Variants in PDE3B observed in about 807,000 individuals in gnomAD.
PDE3B encodes cGMP-inhibited 3',5'-cyclic phosphodiesterase 3B.
Under a neutral mutation model 116.8 loss-of-function variants are expected in PDE3B, and 66 were observed. The ratio of observed to expected loss-of-function variants is 0.56; its 90% CI spans 0.46 to 0.69. The LOEUF is 0.69. Among genes scored for constraint, PDE3B ranks in the 30% least tolerant of loss-of-function variants. The pLI, the probability that PDE3B is intolerant of heterozygous loss-of-function variation, is 0.00. For missense variants in PDE3B, 1,384 were observed against 1,368.1 expected (o/e 1.01, Z -0.18); for synonymous variants, 595 against 533.6 (o/e 1.12, Z -1.59).
At chr11:14,645,495 T>C (rs1853375040) in intron 1 of PDE3B, among the ~76,000 whole-genome samples, 1 of 152,262 alleles carries the variant, frequency 6.6e-6, no homozygotes, top group African/African-American at 2.4e-5. Flanking sequence ...AATGAGAGGA[T>C]ACATCTATGA....
the PDE3B span, among the ~76,000 whole-genome samples, chr11:14,894,796 T>TA: frequency 2.6e-5 from 4 of 152,228 alleles, no homozygotes; most frequent in Non-Finnish European, 5.9e-5. Context: ...ATCCCTCCCT[T>TA]ATTCCCCCTT....
intron 4 of PDE3B, among the ~76,000 whole-genome samples, chr11:14,792,358 A>G (rs1019030809): frequency 2.0e-5 from 3 of 152,202 alleles, no homozygotes; most frequent in African/African-American, 7.2e-5. Flanking sequence ...AAGCTAAATT[A>G]TGTTTCAAAA....
rs146001138 is a variant in PDE3B at position 14,845,897 on chromosome 11, C to A, written c.2520+1871C>A. ...CTGAAAGTGAGGGGGAGAATGGAAC[C>A]AAGATGGAAAACACTCTGTAGGATA... On this transcript the variant is annotated intron_variant, in intron 12 of 15. Transcript: ENST00000282096. 3.0e-3 allele frequency among the ~76,000 whole-genome samples: 463 copies of A among 152,134 alleles called. 4 individuals carry two copies. Among genetic ancestry groups the A allele is most frequent in the African/African-American group, 0.01 (430 of 41,488 alleles).
At position 14,699,005 on chromosome 11, in the gene PDE3B, C is replaced by T. The variant is rs138041624; in HGVS notation, c.978+53952C>T. The T allele has an allele frequency of 1.4e-4, 21 of 152,006 alleles. No homozygotes were observed. The East Asian group carries it at 3.7e-3, about 27-fold the overall frequency. 9.4% of individuals were successfully genotyped at this position (152,006 alleles called of 1,614,324 possible). ...CTTCTTTTAAAATCTTACTTCCTGT[C>T]GGTCTAAGAAGGGCACTCTTGATGA... On this transcript the variant is annotated intron_variant, in intron 1 of 15. Coordinates refer to ENST00000282096, the MANE Select transcript of PDE3B (RefSeq NM_000922.4).
chr11:14,817,754 T>A (rs1190181684), intron 5 of PDE3B, among the ~76,000 whole-genome samples: 2 of 152,056 alleles, frequency 1.3e-5, no homozygotes, highest in Admixed American at 1.3e-4. Flanking sequence ...AAAAAGAGAA[T>A]TTAAATAAAA....
At chr11:14,713,837 T>A (rs1355465687) in intron 1 of PDE3B, among the ~76,000 whole-genome samples, 3 of 152,120 alleles carry the variant, frequency 2.0e-5, no homozygotes, top group Non-Finnish European at 2.9e-5. Flanking sequence ...TAAACTATCG[T>A]ATAAGCAGGA....
At chr11:14,667,442 ATAAAAT>A (rs1179003578) in intron 1 of PDE3B, among the ~76,000 whole-genome samples, 1 of 150,924 alleles carries the variant, frequency 6.6e-6, no homozygotes, top group Admixed American at 6.6e-5. Flanking sequence ...AATAATAATA[ATAAAAT>A]TAAATTAAAT....
intron 1 of PDE3B, among the ~76,000 whole-genome samples, chr11:14,696,965 C>T (rs1435028510): frequency 6.6e-6 from 1 of 152,092 alleles, no homozygotes; most frequent in South Asian, 2.1e-4. Context: ...TAGGCAGGGT[C>T]TTGCTCTGTC....
intron 1 of PDE3B, among the ~76,000 whole-genome samples, chr11:14,716,185 C>G (rs573533017): frequency 1.1e-3 from 162 of 152,290 alleles, no homozygotes; most frequent in Non-Finnish European, 2.0e-3. Context: ...TCGGGTCACT[C>G]CCACCCGAAT....
At chr11:14,890,782 T>A in the PDE3B span, 1 of 768,848 alleles carries the variant, frequency 1.3e-6, no homozygotes, top group Non-Finnish European at 1.6e-6. Flanking sequence ...TCTCCTGATT[T>A]CGTGATCCGC....
intron 4 of PDE3B, among the ~76,000 whole-genome samples, chr11:14,800,739 C>G (rs749426810): frequency 3.3e-5 from 5 of 152,120 alleles, no homozygotes; most frequent in Admixed American, 6.5e-5. Flanking sequence ...TGGATAATAT[C>G]CTGAAGAGTG....
At chr11:14,723,056 A>G (rs1281338447) in intron 1 of PDE3B, among the ~76,000 whole-genome samples, 9 of 152,244 alleles carry the variant, frequency 5.9e-5, no homozygotes. Context: ...GGCCATTTGA[A>G]TGAATGAAAA....
At chr11:14,849,641 G>GA (rs886404676) in intron 12 of PDE3B, among the ~76,000 whole-genome samples, 16 of 151,922 alleles carry the variant, frequency 1.1e-4, no homozygotes, top group Admixed American at 9.8e-4. Context: ...AAATTTACAA[G>GA]AAAAAAACAC....
intron 11 of PDE3B, among the ~76,000 whole-genome samples, chr11:14,836,908 G>T (rs1860073815): frequency 6.6e-6 from 1 of 152,210 alleles, no homozygotes; most frequent in African/African-American, 2.4e-5. Context: ...CTCCTAGGCG[G>T]GTTCAAGCAA....
intron 1 of PDE3B, among the ~76,000 whole-genome samples, chr11:14,666,855 C>G (rs574443466): frequency 2.6e-4 from 39 of 152,316 alleles, no homozygotes; most frequent in African/African-American, 8.9e-4. Context: ...ACTAGTTCGA[C>G]CATTGTGGAA....
At chr11:14,717,681 G>C (rs1258032831) in intron 1 of PDE3B, among the ~76,000 whole-genome samples, 2 of 129,572 alleles carry the variant, frequency 1.5e-5, no homozygotes, top group African/African-American at 3.0e-5. Context: ...AGCTTCATAA[G>C]TGAAGGAGAA....
chr11:14,668,377 T>G (rs1854253081), intron 1 of PDE3B, among the ~76,000 whole-genome samples: 1 of 152,162 alleles, frequency 6.6e-6, no homozygotes, highest in Non-Finnish European at 1.5e-5. Flanking sequence ...ACTTTTGAAT[T>G]TATAAATACC....
intron 12 of PDE3B, among the ~76,000 whole-genome samples, chr11:14,857,146 A>G (rs1012596204): frequency 4.6e-5 from 7 of 152,184 alleles, no homozygotes; most frequent in African/African-American, 1.7e-4. Context: ...TTGTTTTGCC[A>G]AAGTATTGAT....
At chr11:14,766,129 A>G (rs1857487412) in intron 1 of PDE3B, among the ~76,000 whole-genome samples, 1 of 151,762 alleles carries the variant, frequency 6.6e-6, no homozygotes, top group Non-Finnish European at 1.5e-5. Context: ...TTTGAAAACT[A>G]AAAAATTAAA....
Sources: gnomAD v4.1 joint callset for allele counts (sites outside exome capture counted in the v4.1 genomes callset) on GRCh38, gnomAD v4.1.1 for gene constraint, MANE v1.5 for transcripts, NCBI Gene and HGNC (gene_info 2026-07-23, HGNC 2026-07-21) for gene names.